Variants in ITFG2 observed in about 807,000 individuals in gnomAD.
ITFG2 encodes the protein KICSTOR complex protein ITFG2.
ITFG2 carries 36 observed loss-of-function variants against 54.4 expected under a neutral mutation model. The observed-to-expected ratio is 0.66, with a 90% CI of 0.51 to 0.87. The LOEUF (loss-of-function observed/expected upper bound fraction) is 0.87. Ranked by LOEUF, ITFG2 falls within the 40% of genes least tolerant of loss-of-function variation. The probability of loss-of-function intolerance (pLI) is 0.00; values close to 1 mark genes in which losing one functional copy is unlikely to be tolerated. For missense variants in ITFG2, 524 were observed against 576.7 expected (o/e 0.91, Z 0.94); for synonymous variants, 211 against 225.4 (o/e 0.94, Z 0.57).
intron 1 of ITFG2, among the ~76,000 whole-genome samples, chr12:2,840,118 A>T (rs1603485411): frequency 6.6e-6 from 1 of 151,978 alleles, no homozygotes; most frequent in East Asian, 1.9e-4. Context: ...AAAAAAAAAA[A>T]AGGGCAAGAT....
chr12:2,814,284 T>C (rs530387381), intron 1 of ITFG2, among the ~76,000 whole-genome samples: 2 of 152,352 alleles, frequency 1.3e-5, no homozygotes, highest in Admixed American at 6.5e-5. Flanking sequence ...CCTTCAGATA[T>C]ACATTATTTT....
At chr12:2,834,530 G>A (rs2098018602), upstream of ITFG2, 2 of 1,427,740 alleles carry the variant, frequency 1.4e-6, no homozygotes, top group Non-Finnish European at 1.9e-6. Flanking sequence ...CAGCAAGGGA[G>A]CGGGACCTGA....
downstream of ITFG2, chr12:2,827,766 C>A: frequency 6.2e-7 from 1 of 1,609,314 alleles, no homozygotes; most frequent in Non-Finnish European, 8.5e-7. The surrounding 1 kb of genome is among the most constrained non-coding windows in gnomAD (Gnocchi z 4.0). Context: ...TCTCTGCCCA[C>A]CCCATCCCCA....
At chr12:2,857,492 G>A (rs1052128218) in intron 2 of ITFG2, 1 of 176,268 alleles carries the variant, frequency 5.7e-6, no homozygotes, top group Admixed American at 5.5e-5. Context: ...AGCTGTGCAG[G>A]ACTAGCACTG....
intron 1 of ITFG2, among the ~76,000 whole-genome samples, chr12:2,814,624 G>A (rs952432816): frequency 2.0e-5 from 3 of 152,188 alleles, no homozygotes; most frequent in Non-Finnish European, 4.4e-5. Flanking sequence ...GAGCCTAGGA[G>A]TTCGAGACCA....
intron 2 of ITFG2, among the ~76,000 whole-genome samples, chr12:2,850,623 G>A (rs1019402052): frequency 6.6e-6 from 1 of 152,080 alleles, no homozygotes; most frequent in African/African-American, 2.4e-5. Context: ...CAGTGCTTCA[G>A]TGTGCTCACT....
Position 2,821,243 on chromosome 12 carries a change from G to C in ITFG2, c.696-19G>C. On this transcript the variant is annotated intron_variant, in intron 6 of 11. Coordinates refer to ENST00000228799, the MANE Select transcript of ITFG2 (RefSeq NM_018463.4). Reference sequence around the variant, plus strand: ...GCTCACTTGGTCTCCCGCTTGATCCGTCCACCTGCTGTGCACAGGGAGACC... The same window carrying C: ...GCTCACTTGGTCTCCCGCTTGATCCCTCCACCTGCTGTGCACAGGGAGACC... The C allele has an allele frequency of 1.9e-6, 3 of 1,586,286 alleles. No individual in the cohort carries two copies. The highest frequency in any genetic ancestry group is 2.6e-6 in the Non-Finnish European group (3 of 1,162,924).
chr12:2,822,731 G>A (rs1011303633), intron 9 of ITFG2, 63 bp from the exon 10 acceptor site: 35 of 1,415,830 alleles, frequency 2.5e-5, no homozygotes, highest in Non-Finnish European at 3.2e-5. Context: ...CCAGCTCGCT[G>A]TTTGTCATCC....
At chr12:2,839,188 T>C (rs2153926957) in intron 1 of ITFG2, among the ~76,000 whole-genome samples, 1 of 152,166 alleles carries the variant, frequency 6.6e-6, no homozygotes, top group East Asian at 1.9e-4. Context: ...GCTACTCAGA[T>C]GCTGAAGTGG....
At chr12:2,826,445 C>G (rs1163266246), downstream of ITFG2, 2 of 151,256 alleles carry the variant, frequency 1.3e-5, no homozygotes. Context: ...AAGGCTCTTC[C>G]ACACACACAC....
chr12:2,842,067 C>A (rs1458851456), intron 2 of ITFG2, among the ~76,000 whole-genome samples: 2 of 144,558 alleles, frequency 1.4e-5, no homozygotes, highest in African/African-American at 2.6e-5. Flanking sequence ...TACATAAAAA[C>A]AATAATATAA....
At chr12:2,832,062 G>A (rs1209834922), upstream of ITFG2, among the ~76,000 whole-genome samples, 2 of 152,068 alleles carry the variant, frequency 1.3e-5, no homozygotes, top group Admixed American at 1.3e-4. Flanking sequence ...ACTCCAAAAT[G>A]TGGTCCTCAG....
intron 2 of ITFG2, among the ~76,000 whole-genome samples, chr12:2,850,185 G>A (rs2098065473): frequency 1.3e-5 from 2 of 152,080 alleles, no homozygotes; most frequent in South Asian, 4.1e-4. Context: ...TTTGAAAAAA[G>A]AGCCCCTAGG....
chr12:2,837,459 C>A (rs1056410560), intron 1 of ITFG2, among the ~76,000 whole-genome samples: 1 of 151,392 alleles, frequency 6.6e-6, no homozygotes, highest in African/African-American at 2.4e-5. Flanking sequence ...GCCTAGGCGA[C>A]AGAGAGAGAC....
chr12:2,830,813 ATTCGGGT>A, intron 2 of ITFG2: 1 of 1,613,722 alleles, frequency 6.2e-7, no homozygotes, highest in Admixed American at 1.7e-5. Flanking sequence ...CCTGAAGCCA[ATTCGGGT>A]TTCCCTCCAC....
chr12:2,857,299 A>G (rs1484182698), intron 2 of ITFG2: 2 of 508,364 alleles, frequency 3.9e-6, no homozygotes, highest in Admixed American at 6.4e-5. Context: ...GCTGGCTCCC[A>G]GGCCTCAGGG....
intron 10 of ITFG2, among the ~76,000 whole-genome samples, chr12:2,823,355 G>GGCA (rs1174620872): frequency 6.6e-6 from 1 of 152,194 alleles, no homozygotes; most frequent in Non-Finnish European, 1.5e-5. Flanking sequence ...GGCCTTGGGA[G>GGCA]GCAGCACTCA....
At chr12:2,849,302 G>A (rs1461728309) in intron 2 of ITFG2, 3 of 1,536,030 alleles carry the variant, frequency 2.0e-6, no homozygotes, top group African/African-American at 1.4e-5. Context: ...GAGAGATGGT[G>A]GAGGGGTAAG....
At position 2,820,794 on chromosome 12, in the gene ITFG2, C is replaced by G; in HGVS notation, c.617C>G (p.Ala206Gly). The change falls in exon 6 of 12, where the codon GCG becomes GGG. Residue 206 changes from alanine to glycine, a missense_variant. Physicochemically the swap from Ala to Gly is moderately conservative, Grantham distance 60. Transcript: ENST00000228799. ...CTGATGGTGTCTCAGCCAGGTTGTG[C>G]GTATGCAATTCTACTGTGTACCTGG... ...PELMVSQPGCAYAILLCTWKK... is the reference protein window; with the variant it reads ...PELMVSQPGCGYAILLCTWKK... The G allele has an allele frequency of 6.2e-7, 1 of 1,613,978 alleles. No individual in the cohort carries two copies. Among genetic ancestry groups the G allele is most frequent in the Non-Finnish European group, 8.5e-7 (1 of 1,179,936 alleles).
Sources: allele counts gnomAD v4.1 joint callset (sites outside exome capture counted in the v4.1 genomes callset), GRCh38; gene constraint gnomAD v4.1.1; non-coding constraint Gnocchi (gnomAD v3.1); transcripts MANE v1.5; gene names NCBI Gene and HGNC (gene_info 2026-07-23, HGNC 2026-07-21).